JMJD1C: variants seen among roughly 807,000 people sequenced by gnomAD.
JMJD1C encodes the protein jumonji domain containing 1C, also known as jumonji domain-containing protein 1C.
JMJD1C carries 31 observed loss-of-function variants against 245.3 expected under a neutral mutation model. That is an observed-to-expected ratio of 0.13 (90% CI 0.09 to 0.17). The LOEUF is 0.17. Ranked by LOEUF, JMJD1C falls within the 10% of genes least tolerant of loss-of-function variation. The probability of loss-of-function intolerance (pLI) is 1.00; values close to 1 mark genes in which losing one functional copy is unlikely to be tolerated. For synonymous variants in JMJD1C, 1,057 were observed against 1,017.4 expected (o/e 1.04, Z -0.74); for missense variants, 2,691 against 3,000.2 (o/e 0.90, Z 2.41).
intron 1 of JMJD1C, among the ~76,000 whole-genome samples, chr10:63,441,109 C>A (rs1246378619): frequency 6.6e-6 from 1 of 152,148 alleles, no homozygotes; most frequent in African/African-American, 2.4e-5. Flanking sequence ...AAGGCACAAA[C>A]AGAAAAAGGC....
chr10:63,464,448 T>G (rs956308055), intron 1 of JMJD1C, among the ~76,000 whole-genome samples: 1 of 149,060 alleles, frequency 6.7e-6, no homozygotes, highest in Non-Finnish European at 1.5e-5. Flanking sequence ...GGGAAAAAAA[T>G]TTCCTAAATT....
At chr10:63,284,856 TTCACACAC>T (rs748275945) in intron 2 of JMJD1C, among the ~76,000 whole-genome samples, 1 of 101,054 alleles carries the variant, frequency 9.9e-6, no homozygotes, top group South Asian at 3.5e-4. Flanking sequence ...GCAGGGAAGA[TTCACACAC>T]ACACACACAC....
chr10:63,263,581 A>T (rs528234166), intron 3 of JMJD1C, among the ~76,000 whole-genome samples: 1 of 152,308 alleles, frequency 6.6e-6, no homozygotes, highest in East Asian at 1.9e-4. Context: ...TTATTTTAAA[A>T]CATCTGAGTA....
intron 1 of JMJD1C, among the ~76,000 whole-genome samples, chr10:63,481,502 T>C (rs1008322555): frequency 6.6e-6 from 1 of 152,186 alleles, no homozygotes; most frequent in Non-Finnish European, 1.5e-5. Context: ...ACAGCCTTTC[T>C]TAATTCTGTG....
At chr10:63,497,740 T>C (rs935071816) in intron 1 of JMJD1C, among the ~76,000 whole-genome samples, 2 of 152,176 alleles carry the variant, frequency 1.3e-5, no homozygotes, top group African/African-American at 2.4e-5. Flanking sequence ...AATTTTCTGC[T>C]CTAAAGTTGT....
intron 2 of JMJD1C, among the ~76,000 whole-genome samples, chr10:63,332,903 A>G (rs1942315535): frequency 6.6e-6 from 1 of 152,170 alleles, no homozygotes; most frequent in Non-Finnish European, 1.5e-5. Flanking sequence ...CATTGTTTCT[A>G]TTATCATTTC....
At chr10:63,203,814 G>C in intron 10 of JMJD1C, 1 of 962,282 alleles carries the variant, frequency 1.0e-6, no homozygotes, top group Non-Finnish European at 1.2e-6. Flanking sequence ...CATGTATAAC[G>C]GTGTATGTAA....
chr10:63,480,374 A>T (rs1466337533), intron 1 of JMJD1C, among the ~76,000 whole-genome samples: 1 of 150,840 alleles, frequency 6.6e-6, no homozygotes, highest in Non-Finnish European at 1.5e-5. Context: ...GCTTGAGTGC[A>T]GTGGTACAAT....
At chr10:63,394,064 G>A (rs1314367988) in intron 1 of JMJD1C, among the ~76,000 whole-genome samples, 1 of 151,920 alleles carries the variant, frequency 6.6e-6, no homozygotes, top group Admixed American at 6.6e-5. Context: ...GTGCGCACCT[G>A]CAGTCCCAGC....
At position 63,206,841 on chromosome 10, in the gene JMJD1C, C is replaced by T. The variant is rs1168888162; in HGVS notation, c.4828G>A (p.Asp1610Asn). 1 of 1,600,900 alleles carries T rather than the reference C, an allele frequency of 6.2e-7. No individual in the cohort carries two copies. The highest frequency in any genetic ancestry group is 1.4e-5 in the African/African-American group (1 of 74,052). Residue 1610 changes from aspartate to asparagine, a missense_variant, in exon 10 of 26, where the codon GAT (aspartate) becomes AAT (asparagine). Coordinates refer to ENST00000399262, the MANE Select transcript of JMJD1C (RefSeq NM_032776.3). The stretch of plus-strand genomic sequence containing the variant: ...GCTTTTCTCCTGTTGACTTTATCAT[C>T]TTTTACATATTTATCAACTATGATC... The part of the protein sequence containing the change: ...SKIIVDKYVK[D>N]DKVNRRKAKR...
chr10:63,503,878 A>G, intron 1 of JMJD1C, among the ~76,000 whole-genome samples: 1 of 152,156 alleles, frequency 6.6e-6, no homozygotes, highest in East Asian at 1.9e-4. Context: ...TCTCCATCCT[A>G]GCCTCCTCTG....
chr10:63,225,836 G>A (rs1281879070), intron 3 of JMJD1C, among the ~76,000 whole-genome samples: 1 of 151,840 alleles, frequency 6.6e-6, no homozygotes, highest in Non-Finnish European at 1.5e-5. Context: ...ACACTATGCT[G>A]GGTACTTTCC....
intron 22 of JMJD1C, among the ~76,000 whole-genome samples, chr10:63,182,069 C>A (rs1294780827): frequency 1.3e-5 from 2 of 152,088 alleles, no homozygotes; most frequent in Non-Finnish European, 2.9e-5. Flanking sequence ...CAAATGTACA[C>A]AAAAGTAGAG....
At chr10:63,513,840 G>C (rs1379361335) in intron 1 of JMJD1C, among the ~76,000 whole-genome samples, 2 of 152,270 alleles carry the variant, frequency 1.3e-5, no homozygotes, top group South Asian at 2.1e-4. Context: ...GTGAACCCGG[G>C]AGGTGGAGCG....
At chr10:63,475,744 A>T (rs1007847565) in intron 1 of JMJD1C, among the ~76,000 whole-genome samples, 17 of 152,152 alleles carry the variant, frequency 1.1e-4, no homozygotes, top group Non-Finnish European at 1.9e-4. Flanking sequence ...TCCAAGTAAC[A>T]CCTAAGTAAG....
At chr10:63,335,207 C>G (rs1310675129) in intron 2 of JMJD1C, among the ~76,000 whole-genome samples, 1 of 152,054 alleles carries the variant, frequency 6.6e-6, no homozygotes, top group Non-Finnish European at 1.5e-5. Flanking sequence ...ACACAGCAGT[C>G]TGTCAAAGTG....
At chr10:63,441,356 G>A (rs998547430) in intron 1 of JMJD1C, among the ~76,000 whole-genome samples, 1 of 152,166 alleles carries the variant, frequency 6.6e-6, no homozygotes, top group African/African-American at 2.4e-5. Context: ...TAATATGCAT[G>A]AGCTGGAGAA....
At position 63,208,664 on chromosome 10, in the gene JMJD1C, T is replaced by C; in HGVS notation, c.3005A>G (p.Asn1002Ser). ...CTCCTGGGGTGGCCTCTGTAACTGATTTAATACTGGATCCACAAAATGCCT... is the reference window on the plus strand; with the variant it reads ...CTCCTGGGGTGGCCTCTGTAACTGACTTAATACTGGATCCACAAAATGCCT... The part of the protein sequence containing the change: ...LHRHFVDPVL[N>S]QLQRPPQETG... Residue 1002 changes from asparagine (N) to serine (S), a missense_variant, in exon 10 of 26, where the codon AAT (asparagine) becomes AGT (serine). This residue lies in a region of JMJD1C where 1,562 missense variants were observed against 1,490.7 expected (regional missense o/e 1.05). Coordinates refer to ENST00000399262, the MANE Select transcript of JMJD1C (RefSeq NM_032776.3). The C allele has an allele frequency of 6.2e-7, 1 of 1,614,126 alleles. No homozygotes were observed. The highest frequency in any genetic ancestry group is 8.5e-7 in the Non-Finnish European group (1 of 1,180,004).
rs377560554 is a variant in JMJD1C at position 63,214,537 on chromosome 10, A to C, written c.1630T>G (p.Ser544Ala). 2 of 1,613,818 alleles carry C rather than the reference A, an allele frequency of 1.2e-6. No homozygotes were observed. The highest frequency in any genetic ancestry group is 1.3e-5 in the African/African-American group (1 of 74,894). Residue 544 changes from serine to alanine, a missense_variant, in exon 8 of 26, where the codon TCA becomes GCA. By Grantham distance (99) the Ser-to-Ala change is moderately conservative. Coordinates refer to ENST00000399262, the MANE Select transcript of JMJD1C (RefSeq NM_032776.3). ...LQKMDPNVSD[S>A]KHSIANAKFL... is the part of the protein sequence containing the mutation. ...TTTGCATTTGCAATAGAGTGTTTTG[A>C]ATCACTAACATTAGGATCCATTTTC...
Sources: gnomAD v4.1 joint callset for allele counts (sites outside exome capture counted in the v4.1 genomes callset) on GRCh38, gnomAD v4.1.1 for gene constraint, gnomAD v4.1.1 regional missense constraint, MANE v1.5 for transcripts, NCBI Gene and HGNC (gene_info 2026-07-23, HGNC 2026-07-21) for gene names.